The following CNTRL variants were observed in gnomAD, a reference collection of about 807,000 sequenced individuals.
The protein encoded by CNTRL is centriolin, also known as 110 kDa centrosomal protein.
In CNTRL, 233 loss-of-function variants were observed where a neutral mutation model predicts 303.7. That is an observed-to-expected ratio of 0.77 (90% CI 0.69 to 0.86). The LOEUF (loss-of-function observed/expected upper bound fraction) is 0.86, where lower values mean the gene tolerates loss of function less well. CNTRL is among the 40% of genes least tolerant of loss of function. CNTRL has a pLI of 0.00. For missense variants in CNTRL, 2,524 were observed against 2,650.6 expected, an observed-to-expected ratio of 0.95 and a Z score of 1.05; for synonymous variants, 900 against 922.2, an observed-to-expected ratio of 0.98 and a Z score of 0.44.
At position 121,172,546 on chromosome 9, in the gene CNTRL, G is replaced by A. The variant is rs895188544; in HGVS notation, c.6418-697G>A. On this transcript the variant is annotated intron_variant, in intron 40 of 43. Transcript: ENST00000373855. ...GTCCCAGCTATTCGGGAGGCTGAGG[G>A]GGGAGGATTGCTTGAGCCTGGGAGG... is the stretch of plus-strand genomic sequence containing the variant. 1.2e-4 allele frequency among the ~76,000 whole-genome samples: 19 copies of A among 152,020 alleles called. 1 individual carries two copies. Among genetic ancestry groups the A allele is most frequent in the Admixed American group, 1.0e-3 (16 of 15,276 alleles).
intron 42 of CNTRL, 117 bp downstream of exon 42, chr9:121,173,854 A>G: frequency 1.0e-6 from 1 of 955,506 alleles, no homozygotes; most frequent in Non-Finnish European, 1.7e-6. Flanking sequence ...CCCTGCCAGC[A>G]GTGTCAGGGA....
intron 23 of CNTRL, among the ~76,000 whole-genome samples, chr9:121,146,676 C>T (rs1283055516): frequency 1.3e-5 from 2 of 152,154 alleles, no homozygotes; most frequent in African/African-American, 2.4e-5. Flanking sequence ...ATGGTAAAGC[C>T]CCTGCTCTCA....
intron 43 of CNTRL, among the ~76,000 whole-genome samples, 200 bp from the exon 44 acceptor site, chr9:121,176,963 G>A (rs2053551727): frequency 6.6e-6 from 1 of 151,932 alleles, no homozygotes; most frequent in Non-Finnish European, 1.5e-5. Context: ...TTTAATTGGA[G>A]GATCTTGAAT....
At chr9:121,122,064 C>T (rs769483169) in intron 12 of CNTRL, 4 of 352,990 alleles carry the variant, frequency 1.1e-5, no homozygotes, top group Non-Finnish European at 1.6e-5. Flanking sequence ...GTGTAAATCG[C>T]AGAATCTACT....
At chr9:121,086,742 G>C (rs1045738908) in intron 2 of CNTRL, among the ~76,000 whole-genome samples, 1 of 149,780 alleles carries the variant, frequency 6.7e-6, no homozygotes, top group Non-Finnish European at 1.5e-5. Flanking sequence ...CTGGGTTCAA[G>C]AGATTCTGTT....
chr9:121,155,443 G>A (rs1184788390), intron 27 of CNTRL, among the ~76,000 whole-genome samples: 6 of 152,036 alleles, frequency 3.9e-5, no homozygotes, highest in East Asian at 1.9e-4. Flanking sequence ...GTGGAGTGGC[G>A]CAATCTTGGC....
chr9:121,103,495 A>T (rs1025177290), intron 7 of CNTRL, among the ~76,000 whole-genome samples: 2 of 152,234 alleles, frequency 1.3e-5, no homozygotes, highest in African/African-American at 4.8e-5. Context: ...ATGGGCAAGG[A>T]CTTCATGTCT....
intron 40 of CNTRL, among the ~76,000 whole-genome samples, chr9:121,172,818 A>G (rs1012320384): frequency 2.8e-4 from 43 of 152,204 alleles, no homozygotes; most frequent in African/African-American, 1.0e-3. Flanking sequence ...GAGGTGCTTC[A>G]TGTAAATTCT....
intron 38 of CNTRL, 127 bp downstream of exon 38, chr9:121,168,448 C>T: frequency 1.4e-6 from 1 of 733,154 alleles, no homozygotes; most frequent in Non-Finnish European, 2.2e-6. Context: ...AGAAGTAAAG[C>T]AGGAGGTATG....
intron 10 of CNTRL, 27 bp downstream of exon 10, chr9:121,113,751 TAA>T (rs3831035): frequency 2.3e-6 from 3 of 1,328,034 alleles, no homozygotes; most frequent in Non-Finnish European, 3.0e-6. Context: ...TTAAATTCTT[TAA>T]AAAAAAATAT....
chr9:121,136,057 C>G (rs2051174119), intron 15 of CNTRL, 75 bp downstream of exon 15: 1 of 1,307,530 alleles, frequency 7.6e-7, no homozygotes. Context: ...TTATTTATGT[C>G]TTAATTTAAA....
intron 4 of CNTRL, among the ~76,000 whole-genome samples, chr9:121,094,088 C>CA (rs1208377597): frequency 6.6e-6 from 1 of 151,790 alleles, no homozygotes; most frequent in African/African-American, 2.4e-5. Flanking sequence ...CCAGCCTGGC[C>CA]AACAGCGAGA....
At chr9:121,170,730 G>A (rs2053269579) in intron 39 of CNTRL, among the ~76,000 whole-genome samples, 6 of 152,228 alleles carry the variant, frequency 3.9e-5, no homozygotes, top group Admixed American at 3.9e-4. Flanking sequence ...TGGGATTACA[G>A]GCATAAGCCA....
chr9:121,125,899 T>G lies in CNTRL; in HGVS notation c.1988T>G (p.Leu663Arg). 6.2e-7 allele frequency: 1 copy of G among 1,614,206 alleles called. No individual in the cohort carries two copies. The highest frequency in any genetic ancestry group is 8.5e-7 in the Non-Finnish European group (1 of 1,180,032). ...GAAGTCGAGCAGGAGAGAGACCAGC[T>G]GGAAATAGTTGCCATGGATGCAGAA... ...LTEVEQERDQ[L>R]EIVAMDAENM... Residue 663 changes from leucine to arginine, a missense_variant, in exon 14 of 44, where the codon CTG becomes CGG. Transcript: ENST00000373855.
intron 24 of CNTRL, among the ~76,000 whole-genome samples, chr9:121,149,861 T>G (rs2052115237): frequency 6.6e-6 from 1 of 152,182 alleles, no homozygotes; most frequent in Non-Finnish European, 1.5e-5. Flanking sequence ...TGCTGTAAGA[T>G]CTTGTATGTA....
chr9:121,137,129 A>G (rs1020409621), intron 15 of CNTRL, among the ~76,000 whole-genome samples: 1 of 152,198 alleles, frequency 6.6e-6, no homozygotes, highest in East Asian at 1.9e-4. Context: ...AAAGGCAGAG[A>G]GGCAGGCAGA....
At chr9:121,098,780 C>T (rs1375513187) in intron 7 of CNTRL, among the ~76,000 whole-genome samples, 1 of 150,498 alleles carries the variant, frequency 6.6e-6, no homozygotes, top group Non-Finnish European at 1.5e-5. Context: ...GGAAGGAAGA[C>T]ATATGGTGCT....
chr9:121,173,546 A>C, intron 41 of CNTRL, 37 bp downstream of exon 41: 1 of 1,610,360 alleles, frequency 6.2e-7, no homozygotes, highest in Non-Finnish European at 8.5e-7. Flanking sequence ...GGTTCGTAGG[A>C]TTGACCACCT....
At chr9:121,171,038 CAA>C (rs2053280198) in intron 39 of CNTRL, among the ~76,000 whole-genome samples, 2 of 152,064 alleles carry the variant, frequency 1.3e-5, no homozygotes, top group Non-Finnish European at 2.9e-5. Flanking sequence ...GTGTGTCTCT[CAA>C]AGGGGATACG....
Sources: allele counts gnomAD v4.1 joint callset (sites outside exome capture counted in the v4.1 genomes callset), GRCh38; gene constraint gnomAD v4.1.1; transcripts MANE v1.5; gene names NCBI Gene and HGNC (gene_info 2026-07-23, HGNC 2026-07-21).